The following PAX8 variants were observed in gnomAD, a reference collection of about 807,000 sequenced individuals.
PAX8 encodes paired box protein Pax-8.
Under a neutral mutation model 52.4 loss-of-function variants are expected in PAX8, and 15 were observed. The observed-to-expected ratio is 0.29, with a 90% CI of 0.19 to 0.44. The LOEUF (loss-of-function observed/expected upper bound fraction) is 0.44. PAX8 is among the 20% of genes least tolerant of loss of function. The probability of loss-of-function intolerance (pLI) is 1.00; values close to 1 mark genes in which losing one functional copy is unlikely to be tolerated. For synonymous variants in PAX8, 284 were observed against 249.7 expected, an observed-to-expected ratio of 1.14 and a Z score of -1.29; for missense variants, 554 against 602.5, an observed-to-expected ratio of 0.92 and a Z score of 0.84.
At chr2:113,246,341 GA>G (rs1387049049) in intron 3 of PAX8, among the ~76,000 whole-genome samples, 1 of 152,208 alleles carries the variant, frequency 6.6e-6, no homozygotes, top group East Asian at 1.9e-4. Context: ...CACAAACTCA[GA>G]TATCACTCTT....
chr2:113,232,606 G>C (rs576146157), intron 9 of PAX8, among the ~76,000 whole-genome samples: 1 of 152,312 alleles, frequency 6.6e-6, no homozygotes, highest in East Asian at 1.9e-4. Flanking sequence ...CAGTTGGCCT[G>C]GAGAGTGGGC....
chr2:113,236,582 G>C lies in PAX8; in HGVS notation c.898+19C>G. ...AGTCCCCCGCCCTCCACCTGCCAGG[G>C]AGGCTCCGGGCGTTGTACCTGCCAC... On this transcript the variant is annotated intron_variant, in intron 8 of 11. Transcript: ENST00000429538. The C allele has an allele frequency of 1.3e-6, 2 of 1,554,634 alleles. No individual in the cohort carries two copies.
At chr2:113,234,732 C>T (rs1690137819) in intron 9 of PAX8, among the ~76,000 whole-genome samples, 1 of 152,072 alleles carries the variant, frequency 6.6e-6, no homozygotes, top group Non-Finnish European at 1.5e-5. Flanking sequence ...CTTGGCCAGG[C>T]TGGTCTTGAA....
chr2:113,247,023 G>A, intron 2 of PAX8, 104 bp from the exon 3 acceptor site: 1 of 1,133,088 alleles, frequency 8.8e-7, no homozygotes, highest in Non-Finnish European at 1.3e-6. Flanking sequence ...GTGTTTGACT[G>A]TGACCATGAA....
At chr2:113,234,273 G>A (rs1213882336) in intron 9 of PAX8, among the ~76,000 whole-genome samples, 1 of 152,220 alleles carries the variant, frequency 6.6e-6, no homozygotes, top group East Asian at 1.9e-4. Flanking sequence ...CCCAAGCCAA[G>A]CGCTTGACTC....
chr2:113,226,982 C>T, intron 10 of PAX8, 173 bp downstream of exon 10: 5 of 1,521,738 alleles, frequency 3.3e-6, no homozygotes, highest in Non-Finnish European at 4.4e-6. Flanking sequence ...GTCAGGACTG[C>T]ACTGGGACAT....
chr2:113,252,048 G>C (rs1275290429), intron 2 of PAX8, among the ~76,000 whole-genome samples: 1 of 152,220 alleles, frequency 6.6e-6, no homozygotes, highest in Non-Finnish European at 1.5e-5. Flanking sequence ...CCATGCTTCA[G>C]TACTTTCCTC....
chr2:113,244,334 GCTC>G, intron 4 of PAX8, 90 bp downstream of exon 4: 1 of 980,378 alleles, frequency 1.0e-6, no homozygotes. Flanking sequence ...CCCGGCCTCT[GCTC>G]CACCCAAGCC....
At position 113,220,103 on chromosome 2, in the gene PAX8, G is replaced by C; in HGVS notation, c.1265C>G (p.Ser422Cys). Residue 422 changes from serine (S) to cysteine (C), a missense_variant, in exon 11 of 12, where the codon TCC becomes TGC. Ser to Cys is a moderately radical substitution (Grantham distance 112, BLOSUM62 -1). Coordinates refer to ENST00000429538, the MANE Select transcript of PAX8 (RefSeq NM_003466.4). ...CCCCAGGGACTTACTCAGCAAGCTG[G>C]AGTTGGGGAAGCGCCAGGCCTCGCT... ...SYSEAWRFPN[S>C]SLLSSPYYYS... 6.2e-7 allele frequency: 1 copy of C among 1,613,572 alleles called. No individual in the cohort carries two copies. The highest frequency in any genetic ancestry group is 8.5e-7 in the Non-Finnish European group (1 of 1,179,730).
chr2:113,240,635 A>C (rs569029327), intron 7 of PAX8: 2 of 152,242 alleles, frequency 1.3e-5, no homozygotes, highest in African/African-American at 4.8e-5. Context: ...TCAGCTTTTC[A>C]CGGACACCAA....
At chr2:113,218,633 C>A in intron 11 of PAX8, 24 bp from the exon 12 acceptor site, 1 of 1,473,314 alleles carries the variant, frequency 6.8e-7, no homozygotes, top group Non-Finnish European at 9.3e-7. Context: ...AAAAAAATAA[C>A]AACAACACTG....
rs1573496978 is a variant in PAX8 at position 113,253,444 on chromosome 2, A to G, written c.26-6525T>C. 2.0e-5 allele frequency among the ~76,000 whole-genome samples: 3 copies of G among 152,148 alleles called. No homozygotes were observed. The East Asian group carries it at 5.8e-4, about 29-fold the overall frequency. On this transcript the variant is annotated intron_variant, in intron 2 of 11. Coordinates refer to ENST00000429538, the MANE Select transcript of PAX8 (RefSeq NM_003466.4). Reference sequence around the variant, plus strand: ...TAGTGTTGTCTTGGTTGGTAACAATACCAGCTGTCATGCAAGCTCAGGGCC... The same window carrying G: ...TAGTGTTGTCTTGGTTGGTAACAATGCCAGCTGTCATGCAAGCTCAGGGCC...
At chr2:113,240,500 C>T (rs1690728539) in intron 7 of PAX8, 1 of 152,288 alleles carries the variant, frequency 6.6e-6, no homozygotes, top group Non-Finnish European at 1.5e-5. Flanking sequence ...TGAAGACACT[C>T]CTCATCTGGT....
Position 113,218,587 on chromosome 2 carries a change from G to A in PAX8, c.1299C>T (p.Ser433=). 2 of 1,558,674 alleles carry A rather than the reference G, an allele frequency of 1.3e-6. No homozygotes were observed. The highest frequency in any genetic ancestry group is 3.8e-5 in the Admixed American group (2 of 52,134). The change falls in exon 12 of 12, where the codon TCC becomes TCT. Residue 433 remains serine, a synonymous_variant. Transcript: ENST00000429538. ...SLLSSPYYYS[S]TSRPSAPPTT... is the part of the protein sequence containing the mutation. ...TGGGCGGTGCACTCGGCCTTGATGT[G>A]GAACTGTAATAATATGGGGAACCTG...
intron 2 of PAX8, among the ~76,000 whole-genome samples, chr2:113,251,537 A>G (rs1691764543): frequency 6.6e-6 from 1 of 152,208 alleles, no homozygotes. Context: ...AAAGGTACTC[A>G]GACGGGAAAT....
intron 9 of PAX8, among the ~76,000 whole-genome samples, chr2:113,233,929 G>A (rs1368527507): frequency 6.6e-6 from 1 of 152,202 alleles, no homozygotes; most frequent in Non-Finnish European, 1.5e-5. Flanking sequence ...CAGATGGACT[G>A]TCTGACTCTG....
At chr2:113,225,044 T>G (rs1299013450) in intron 10 of PAX8, among the ~76,000 whole-genome samples, 2 of 152,146 alleles carry the variant, frequency 1.3e-5, no homozygotes, top group Non-Finnish European at 2.9e-5. Context: ...TTTGCATAAC[T>G]CAGCCACTTA....
At position 113,278,438 on chromosome 2, in the gene PAX8, T is replaced by TC; in HGVS notation, c.-45dup. The TC allele has an allele frequency of 6.2e-7, 1 of 1,608,606 alleles. No individual in the cohort carries two copies. Among genetic ancestry groups the TC allele is most frequent in the Non-Finnish European group, 8.5e-7 (1 of 1,178,332 alleles). On this transcript the variant is annotated 5_prime_UTR_variant, in exon 2 of 12. Coordinates refer to ENST00000429538, the MANE Select transcript of PAX8 (RefSeq NM_003466.4). ...AGCCCGCCGAGGGCTCGGGGCTTCC[T>TC]CCCGTAGGTCCGGGCCGCGCCTGCC...
At position 113,218,409 on chromosome 2, in the gene PAX8, C is replaced by A. The variant is rs764761115; in HGVS notation, c.*124G>T. The A allele has an allele frequency of 1.0e-4, 57 of 568,666 alleles. No homozygotes were observed. The highest frequency in any genetic ancestry group is 1.6e-4 in the Non-Finnish European group (53 of 325,228). 35.2% of individuals were successfully genotyped at this position (568,666 alleles called of 1,614,324 possible). The stretch of plus-strand genomic sequence containing the variant: ...TTAAATTAACCACACAGGGAGTGTG[C>A]CGCAATGCTGGACTTGTGGTTATTT... On this transcript the variant is annotated 3_prime_UTR_variant, in exon 12 of 12. Transcript: ENST00000429538.
Sources: allele counts gnomAD v4.1 joint callset (sites outside exome capture counted in the v4.1 genomes callset), GRCh38; gene constraint gnomAD v4.1.1; transcripts MANE v1.5; gene names NCBI Gene and HGNC (gene_info 2026-07-23, HGNC 2026-07-21).